MEGF11: variants seen among roughly 807,000 people sequenced by gnomAD.
MEGF11 encodes the protein multiple EGF like domains 11.
Under a neutral mutation model 146.6 loss-of-function variants are expected in MEGF11, and 126 were observed. The ratio of observed to expected loss-of-function variants is 0.86; its 90% CI spans 0.74 to 1.00. The LOEUF (loss-of-function observed/expected upper bound fraction) is 1.00. Among genes scored for constraint, MEGF11 ranks in the 50% least tolerant of loss-of-function variants. MEGF11 has a pLI of 0.00. For missense variants in MEGF11, 1,509 were observed against 1,521.2 expected (o/e 0.99, Z 0.13); for synonymous variants, 532 against 583.4 (o/e 0.91, Z 1.27).
intron 22 of MEGF11, 84 bp from the exon 23 acceptor site, chr15:65,909,219 G>T: frequency 2.0e-6 from 2 of 996,960 alleles, no homozygotes; most frequent in Non-Finnish European, 1.5e-6. Context: ...ACACAAGTGG[G>T]CCAGGGTCAG....
At chr15:65,907,526 G>A (rs959483337) in intron 23 of MEGF11, among the ~76,000 whole-genome samples, 4 of 152,074 alleles carry the variant, frequency 2.6e-5, no homozygotes, top group African/African-American at 7.2e-5. Context: ...AACTCCTGAC[G>A]TCACGTGATC....
At chr15:66,151,228 C>A (rs1405395062) in intron 1 of MEGF11, among the ~76,000 whole-genome samples, 1 of 152,216 alleles carries the variant, frequency 6.6e-6, no homozygotes, top group Non-Finnish European at 1.5e-5. Flanking sequence ...CCAGAAATGT[C>A]TCCTGCCCCT....
Position 65,898,946 on chromosome 15 carries a change from G to C in MEGF11, c.3056-12C>G. The C allele has an allele frequency of 6.2e-7, 1 of 1,613,220 alleles. No individual in the cohort carries two copies. Among genetic ancestry groups the C allele is most frequent in the Non-Finnish European group, 8.5e-7 (1 of 1,179,280 alleles). On this transcript the variant is annotated splice_polypyrimidine_tract_variant and intron_variant, in intron 24 of 25. Transcript: ENST00000395614. ...TTCTTTCATGTAATCTGCAAGGCAAGAGACATTTCTTAGGACAAGCAAGAA... is the reference window on the plus strand; with the variant it reads ...TTCTTTCATGTAATCTGCAAGGCAACAGACATTTCTTAGGACAAGCAAGAA...
At chr15:66,142,651 G>A (rs1007022372) in intron 1 of MEGF11, among the ~76,000 whole-genome samples, 3 of 152,204 alleles carry the variant, frequency 2.0e-5, no homozygotes, top group East Asian at 1.9e-4. Flanking sequence ...GTCTGAGGAC[G>A]GCCTGAGCTG....
In MEGF11 at chr15:66,053,714, A is replaced by ATTT. The variant is rs2084549697; in HGVS notation, c.394+40687_394+40688insAAA. ...ACTCAGCTCCCCCTCCCCTGGCACC[A>ATTT]ATTTTTTTTTTTTTTTTTTTTTTTT... On this transcript the variant is annotated intron_variant, in intron 5 of 25. Coordinates refer to ENST00000395614, the MANE Select transcript of MEGF11 (RefSeq NM_001385028.1). Among the ~76,000 whole-genome samples the ATTT allele has an allele frequency of 8.0e-3, 338 of 42,282 alleles. 119 individuals carry two copies. The highest frequency in any genetic ancestry group is 0.012 in the Admixed American group (27 of 2,340). The allele number at this position is 42,282 out of a possible 152,430, so 27.7% of individuals were successfully genotyped here. A position where few individuals can be genotyped will look rare whatever the true frequency, so the allele number is the denominator to read the frequency against.
In MEGF11 at chr15:66,021,241, A is replaced by G. The variant is rs145465116; in HGVS notation, c.395-38753T>C. 7.2e-3 allele frequency among the ~76,000 whole-genome samples: 1,099 copies of G among 152,250 alleles called. 19 individuals are homozygous for G. The highest frequency in any genetic ancestry group is 0.025 in the African/African-American group (1,041 of 41,546). On this transcript the variant is annotated intron_variant, in intron 5 of 25. Transcript: ENST00000395614. Reference sequence around the variant, plus strand: ...TAAGTCAGTCAATCAATCAACAAAAAGTAGAGGAAGGTTGGGCTCAGGGTC... The same window carrying G: ...TAAGTCAGTCAATCAATCAACAAAAGGTAGAGGAAGGTTGGGCTCAGGGTC...
At chr15:66,252,982 G>A (rs1352446287) in intron 1 of MEGF11, among the ~76,000 whole-genome samples, 1 of 152,238 alleles carries the variant, frequency 6.6e-6, no homozygotes, top group East Asian at 1.9e-4. Flanking sequence ...GGACTTCCCG[G>A]AATAGAGTAA....
intron 5 of MEGF11, among the ~76,000 whole-genome samples, chr15:66,044,024 G>A (rs2084098227): frequency 6.6e-6 from 1 of 152,184 alleles, no homozygotes; most frequent in Admixed American, 6.5e-5. Context: ...AGGGGTGCTT[G>A]GTGTAGTGGG....
intron 10 of MEGF11, among the ~76,000 whole-genome samples, chr15:65,939,394 T>C (rs1042816853): frequency 2.0e-5 from 3 of 152,200 alleles, no homozygotes; most frequent in Admixed American, 1.3e-4. Context: ...TCTGTGTTTC[T>C]TGAGCATCTA....
intron 1 of MEGF11, among the ~76,000 whole-genome samples, chr15:66,214,319 C>T (rs2091534294): frequency 6.6e-6 from 1 of 152,192 alleles, no homozygotes; most frequent in South Asian, 2.1e-4. Context: ...AGGGATTACA[C>T]TGTGCCTGGC....
intron 3 of MEGF11, among the ~76,000 whole-genome samples, chr15:66,121,225 T>C (rs1447327598): frequency 6.6e-6 from 1 of 152,208 alleles, no homozygotes; most frequent in Non-Finnish European, 1.5e-5. Context: ...TGAGCAAACT[T>C]GGCTCTCCCA....
chr15:65,915,966 A>G (rs534392904), intron 18 of MEGF11, among the ~76,000 whole-genome samples, 182 bp downstream of exon 18: 1 of 152,288 alleles, frequency 6.6e-6, no homozygotes, highest in East Asian at 1.9e-4. Flanking sequence ...TGAAGGGAGA[A>G]ATTCTTCAAA....
At chr15:66,169,529 T>G (rs1470651797) in intron 1 of MEGF11, among the ~76,000 whole-genome samples, 1 of 152,284 alleles carries the variant, frequency 6.6e-6, no homozygotes, top group African/African-American at 2.4e-5. Context: ...TAACCTGCGG[T>G]GAACCCGCAT....
intron 24 of MEGF11, among the ~76,000 whole-genome samples, chr15:65,905,007 C>T (rs1169861866): frequency 6.6e-6 from 1 of 152,184 alleles, no homozygotes; most frequent in Non-Finnish European, 1.5e-5. Context: ...ATTCTTGTGC[C>T]TCAGCCTCCC....
At chr15:66,018,769 C>T (rs1253215575) in intron 5 of MEGF11, among the ~76,000 whole-genome samples, 1 of 152,152 alleles carries the variant, frequency 6.6e-6, no homozygotes, top group Non-Finnish European at 1.5e-5. Flanking sequence ...GAAAAAGAGA[C>T]CTTCACAGAC....
intron 6 of MEGF11, 76 bp from the exon 7 acceptor site, chr15:65,980,974 C>T (rs1284581449): frequency 6.9e-6 from 10 of 1,456,528 alleles, no homozygotes; most frequent in Non-Finnish European, 8.2e-6. Context: ...CCAGGGTTCC[C>T]TAGGAATTCC....
rs371808235 is a variant in MEGF11 at position 65,916,945 on chromosome 15, C to T, written c.2098G>A (p.Gly700Arg). 12 of 1,517,282 alleles carry T rather than the reference C, an allele frequency of 7.9e-6. No individual in the cohort carries two copies. The highest frequency in any genetic ancestry group is 2.5e-5 in the South Asian group (2 of 78,868). The allele number at this position is 1,517,282 out of a possible 1,614,324, so 94.0% of individuals were successfully genotyped here. ...GKDCSQACPP[G>R]FWGPACFHAC... The stretch of plus-strand genomic sequence containing the variant: ...TGGAAGCAGGCGGGGCCCCAGAACC[C>T]GGGTGGGCAAGCTGGGATGTCGGTG... Residue 700 changes from glycine (G) to arginine (R), a missense_variant, in exon 17 of 26, where the codon GGG (glycine) becomes AGG (arginine). Coordinates refer to ENST00000395614, the MANE Select transcript of MEGF11 (RefSeq NM_001385028.1).
intron 5 of MEGF11, among the ~76,000 whole-genome samples, chr15:66,023,577 G>A (rs1269019126): frequency 6.6e-6 from 1 of 152,210 alleles, no homozygotes; most frequent in African/African-American, 2.4e-5. Flanking sequence ...TTTGAATGGA[G>A]ACTCTTCTCA....
chr15:66,082,847 G>A (rs1351587744), intron 5 of MEGF11, among the ~76,000 whole-genome samples: 1 of 151,794 alleles, frequency 6.6e-6, no homozygotes, highest in African/African-American at 2.4e-5. Context: ...TCCCTTGCTG[G>A]GAGGAGCCCT....
Sources: gnomAD v4.1 joint callset for allele counts (sites outside exome capture counted in the v4.1 genomes callset) on GRCh38, gnomAD v4.1.1 for gene constraint, MANE v1.5 for transcripts, NCBI Gene and HGNC (gene_info 2026-07-23, HGNC 2026-07-21) for gene names.